Variants in ENPP6 observed in about 807,000 individuals in gnomAD.
ENPP6 encodes the protein glycerophosphocholine cholinephosphodiesterase ENPP6.
ENPP6 carries 32 observed loss-of-function variants against 42.0 expected under a neutral mutation model. That is an observed-to-expected ratio of 0.76 (90% CI 0.58 to 1.02). The LOEUF (loss-of-function observed/expected upper bound fraction) is 1.02. Among genes scored for constraint, ENPP6 ranks in the 50% least tolerant of loss-of-function variants. The probability of loss-of-function intolerance (pLI) is 0.00; values close to 1 mark genes in which losing one functional copy is unlikely to be tolerated. For synonymous variants in ENPP6, 213 were observed against 216.0 expected (o/e 0.99, Z 0.12); for missense variants, 552 against 566.8 (o/e 0.97, Z 0.27).
intron 2 of ENPP6, among the ~76,000 whole-genome samples, chr4:184,143,596 T>C (rs1399164669): frequency 6.6e-6 from 1 of 152,204 alleles, no homozygotes; most frequent in Non-Finnish European, 1.5e-5. Flanking sequence ...TGTGCGTCCC[T>C]TTCCTGGGAG....
intron 1 of ENPP6, among the ~76,000 whole-genome samples, chr4:184,209,818 G>A (rs112674145): frequency 2.1e-5 from 3 of 145,416 alleles, no homozygotes; most frequent in African/African-American, 5.3e-5. Flanking sequence ...AGGAAAAAAT[G>A]TTAAGGGCAG....
intron 1 of ENPP6, among the ~76,000 whole-genome samples, chr4:184,209,284 C>T (rs1221572518): frequency 6.7e-6 from 1 of 149,224 alleles, no homozygotes; most frequent in Non-Finnish European, 1.5e-5. Flanking sequence ...GATCAAATTA[C>T]TCTGAGCTAC....
chr4:184,188,281 A>G (rs1222730913), intron 1 of ENPP6, among the ~76,000 whole-genome samples: 1 of 152,144 alleles, frequency 6.6e-6, no homozygotes, highest in Non-Finnish European at 1.5e-5. Context: ...TTTATGAAAA[A>G]CATCAACGGA....
intron 1 of ENPP6, among the ~76,000 whole-genome samples, chr4:184,214,276 G>T (rs1243079288): frequency 6.6e-6 from 1 of 151,984 alleles, no homozygotes; most frequent in Admixed American, 6.6e-5. Flanking sequence ...CAATGTTCCT[G>T]GCATTCAATT....
chr4:184,113,953 TTCTTTCTTTCTC>T (rs1276164696), intron 5 of ENPP6, among the ~76,000 whole-genome samples: 8 of 142,166 alleles, frequency 5.6e-5, no homozygotes, highest in South Asian at 2.2e-4. Flanking sequence ...CTTTCTTTCT[TTCTTTCTTTCTC>T]TCTTTCTTTC....
chr4:184,189,850 G>A (rs985374372), intron 1 of ENPP6, among the ~76,000 whole-genome samples: 1 of 152,206 alleles, frequency 6.6e-6, no homozygotes, highest in African/African-American at 2.4e-5. Flanking sequence ...GAGATGGAGA[G>A]GAGCGAGCCA....
chr4:184,131,242 T>TTC lies in ENPP6; in HGVS notation c.422-6972_422-6971dup, dbSNP rs1301230888. 2.9e-3 allele frequency among the ~76,000 whole-genome samples: 109 copies of TTC among 37,006 alleles called. 4 individuals are homozygous for TTC. The highest frequency in any genetic ancestry group is 0.023 in the South Asian group (25 of 1,110). The allele number at this position is 37,006 out of a possible 152,430, so 24.3% of individuals were successfully genotyped here. ...TTTTTCTTTCTTTCTTTCCTTTTCT[T>TTC]TCTTTCTTTCTCTTTCTCTTCCTTC... On this transcript the variant is annotated intron_variant, in intron 2 of 7. Coordinates refer to ENST00000296741, the MANE Select transcript of ENPP6 (RefSeq NM_153343.4).
intron 1 of ENPP6, among the ~76,000 whole-genome samples, chr4:184,194,609 C>T (rs1033521313): frequency 2.0e-5 from 3 of 152,192 alleles, no homozygotes; most frequent in Non-Finnish European, 2.9e-5. Flanking sequence ...TGGGACTGCA[C>T]AGGTCCCACC....
chr4:184,201,673 CT>C (rs754708907), intron 1 of ENPP6, among the ~76,000 whole-genome samples: 56 of 152,168 alleles, frequency 3.7e-4, no homozygotes, highest in Non-Finnish European at 6.2e-4. Flanking sequence ...GCAGAGAGGT[CT>C]GTTGATAGGA....
intron 7 of ENPP6, among the ~76,000 whole-genome samples, chr4:184,096,319 C>T (rs1045815071): frequency 1.3e-5 from 2 of 152,168 alleles, no homozygotes; most frequent in African/African-American, 4.8e-5. Context: ...GAAAGGCAAA[C>T]ATGGACTTTT....
At chr4:184,119,312 GGTGTGTGTGTGTGTGTGT>G (rs6148837) in intron 3 of ENPP6, among the ~76,000 whole-genome samples, 11,194 of 144,062 alleles carry the variant, frequency 0.078, 498 homozygotes, top group East Asian at 0.11. Flanking sequence ...TCTGTTTCTT[GGTGTGTGTGTGTGTGTGT>G]GTGTGTGTGT....
chr4:184,197,602 C>T (rs563560133), intron 1 of ENPP6, among the ~76,000 whole-genome samples: 2 of 152,318 alleles, frequency 1.3e-5, no homozygotes, highest in South Asian at 4.1e-4. Flanking sequence ...CTGTGTCCTG[C>T]ACAATAACAC....
At chr4:184,150,477 T>C (rs1332818072) in intron 2 of ENPP6, among the ~76,000 whole-genome samples, 1 of 151,362 alleles carries the variant, frequency 6.6e-6, no homozygotes, top group Non-Finnish European at 1.5e-5. Context: ...TACAATCAAG[T>C]TGTGTTTTGA....
intron 5 of ENPP6, among the ~76,000 whole-genome samples, chr4:184,114,958 G>A (rs761060606): frequency 2.0e-5 from 3 of 152,142 alleles, no homozygotes; most frequent in Non-Finnish European, 4.4e-5. Context: ...GAGCAAGGCT[G>A]GGAGCAGTGG....
intron 3 of ENPP6, among the ~76,000 whole-genome samples, chr4:184,120,939 G>A (rs1736405729): frequency 6.6e-6 from 1 of 152,190 alleles, no homozygotes; most frequent in Non-Finnish European, 1.5e-5. Context: ...GTGTCCCCAA[G>A]GCAGGAGGCC....
intron 6 of ENPP6, among the ~76,000 whole-genome samples, chr4:184,107,871 C>T (rs1454645984): frequency 2.6e-5 from 4 of 151,244 alleles, no homozygotes; most frequent in Non-Finnish European, 4.4e-5. Flanking sequence ...GCCGAGATCC[C>T]GCCATTACCC....
intron 1 of ENPP6, among the ~76,000 whole-genome samples, chr4:184,164,196 A>T (rs1357166026): frequency 6.6e-6 from 1 of 152,196 alleles, no homozygotes; most frequent in Non-Finnish European, 1.5e-5. Flanking sequence ...TCTCTCTCTA[A>T]AATGGGATTC....
Position 184,155,503 on chromosome 4 carries a change from C to T in ENPP6, c.242-1770G>A, listed in dbSNP as rs1438401880. On this transcript the variant is annotated intron_variant, in intron 1 of 7. Transcript: ENST00000296741. ...TGTGCAAAGAAGCTGAGCAAATGTGCAAAATTGGAAGGGGGTGTGGGAAGC... is the reference window on the plus strand; with the variant it reads ...TGTGCAAAGAAGCTGAGCAAATGTGTAAAATTGGAAGGGGGTGTGGGAAGC... 6.0e-5 allele frequency among the ~76,000 whole-genome samples: 9 copies of T among 150,028 alleles called. No homozygotes were observed. The East Asian group carries it at 7.9e-4, about 13-fold the overall frequency.
intron 1 of ENPP6, among the ~76,000 whole-genome samples, chr4:184,155,168 A>C (rs957087835): frequency 6.6e-6 from 1 of 152,218 alleles, no homozygotes; most frequent in Non-Finnish European, 1.5e-5. Flanking sequence ...GTATGTTCTC[A>C]CCAACTCATT....
Sources: allele counts gnomAD v4.1 joint callset (sites outside exome capture counted in the v4.1 genomes callset), GRCh38; gene constraint gnomAD v4.1.1; transcripts MANE v1.5; gene names NCBI Gene and HGNC (gene_info 2026-07-23, HGNC 2026-07-21).